The following ERC1 variants were observed in gnomAD, a reference collection of about 807,000 sequenced individuals.
ERC1 encodes the protein ELKS/RAB6-interacting/CAST family member 1.
Under a neutral mutation model 132.0 loss-of-function variants are expected in ERC1, and 56 were observed. That is an observed-to-expected ratio of 0.42 (90% CI 0.34 to 0.53). ERC1 has a LOEUF of 0.53. ERC1 is among the 20% of genes least tolerant of loss of function. ERC1 has a pLI of 0.03. For synonymous variants in ERC1, 478 were observed against 476.1 expected, an observed-to-expected ratio of 1.00 and a Z score of -0.05; for missense variants, 1,202 against 1,349.9, an observed-to-expected ratio of 0.89 and a Z score of 1.72.
In ERC1 at chr12:1,394,039, AAAAAACC is replaced by A. The variant is rs1566757873; in HGVS notation, c.2926-14108_2926-14102del. On this transcript the variant is annotated intron_variant, in intron 16 of 18. Coordinates refer to ENST00000360905, the MANE Select transcript of ERC1 (RefSeq NM_178040.4). ...TCAAAAAAAAAAAAAAAAAACAAAAAAAAAACCACAAAGCATTAAGCAATTTAATTTC... is the reference window on the plus strand; with the variant it reads ...TCAAAAAAAAAAAAAAAAAACAAAAAACAAAGCATTAAGCAATTTAATTTC... 1.7e-3 allele frequency among the ~76,000 whole-genome samples: 139 copies of A among 81,546 alleles called. 6 individuals are homozygous for A. The highest frequency in any genetic ancestry group is 5.9e-3 in the African/African-American group (132 of 22,254). 53.5% of individuals were successfully genotyped at this position (81,546 alleles called of 152,430 possible).
At chr12:1,394,047 A>AAAAAAAAAAAAC (rs1566758165) in intron 16 of ERC1, among the ~76,000 whole-genome samples, 1 of 59,884 alleles carries the variant, frequency 1.7e-5, no homozygotes, top group Non-Finnish European at 3.4e-5. Flanking sequence ...AAAAAAAACC[A>AAAAAAAAAAAAC]CAAAGCATTA....
At chr12:1,185,818 CTG>C (rs982768518) in intron 11 of ERC1, among the ~76,000 whole-genome samples, 4 of 150,624 alleles carry the variant, frequency 2.7e-5, no homozygotes, top group African/African-American at 9.8e-5. Context: ...ACTTTGGAAA[CTG>C]TTTGCATTTC....
At chr12:1,276,241 CT>C (rs201592748) in intron 14 of ERC1, among the ~76,000 whole-genome samples, 16,563 of 111,266 alleles carry the variant, frequency 0.15, 1,621 homozygotes, top group African/African-American at 0.31. Flanking sequence ...TTTTCTTTTT[CT>C]TTTTTTTTTT....
intron 13 of ERC1, among the ~76,000 whole-genome samples, chr12:1,240,517 C>T (rs979529931): frequency 6.6e-6 from 1 of 152,146 alleles, no homozygotes; most frequent in Non-Finnish European, 1.5e-5. Flanking sequence ...ACCATATTTG[C>T]GTAGCCCTGG....
intron 15 of ERC1, among the ~76,000 whole-genome samples, chr12:1,319,013 G>T (rs2081951158): frequency 6.6e-6 from 1 of 152,148 alleles, no homozygotes; most frequent in Non-Finnish European, 1.5e-5. Context: ...TCCTCTGTGG[G>T]AGTAATTATG....
chr12:1,397,956 A>C (rs2090676938), intron 16 of ERC1, among the ~76,000 whole-genome samples: 1 of 152,168 alleles, frequency 6.6e-6, no homozygotes, highest in African/African-American at 2.4e-5. Context: ...TTCTCTGTAC[A>C]TCTCAGTAGG....
chr12:1,252,374 T>C (rs992384850), intron 13 of ERC1, among the ~76,000 whole-genome samples: 2 of 152,168 alleles, frequency 1.3e-5, no homozygotes, highest in African/African-American at 4.8e-5. Context: ...GTAAAGACTT[T>C]GAAAAGGTAT....
chr12:1,296,021 A>C lies in ERC1; in HGVS notation c.2780+6009A>C, dbSNP rs532464259. Among the ~76,000 whole-genome samples the C allele has an allele frequency of 1.3e-4, 19 of 150,660 alleles. No individual in the cohort carries two copies. The South Asian group carries it at 3.5e-3, about 28-fold the overall frequency. ...TATTTGGTTTAACAGAAAAAAAAAA[A>C]AAAAACAACTAAATTCACCCTTATA... is the stretch of plus-strand genomic sequence containing the variant. On this transcript the variant is annotated intron_variant, in intron 15 of 18. Coordinates refer to ENST00000360905, the MANE Select transcript of ERC1 (RefSeq NM_178040.4).
At chr12:1,478,621 G>A (rs1000752987) in intron 18 of ERC1, among the ~76,000 whole-genome samples, 5 of 152,008 alleles carry the variant, frequency 3.3e-5, no homozygotes, top group Admixed American at 6.6e-5. Context: ...GTGAAACCCC[G>A]TCTCTACTAA....
rs1967151088 is a variant in ERC1 at position 1,027,833 on chromosome 12, C to T, written c.-71C>T. 1.4e-6 allele frequency: 2 copies of T among 1,396,988 alleles called. No individual in the cohort carries two copies. Among genetic ancestry groups the T allele is most frequent in the African/African-American group, 2.9e-5 (2 of 69,772 alleles). 86.5% of individuals were successfully genotyped at this position (1,396,988 alleles called of 1,614,324 possible). A position where few individuals can be genotyped will look rare whatever the true frequency, so the allele number is the denominator to read the frequency against. On this transcript the variant is annotated 5_prime_UTR_variant, in exon 2 of 19. Transcript: ENST00000360905. ...AAACCAACTTGTAGCCATAGAGACA[C>T]CTCACAAGGTTCCCATTTTTGTTGT...
chr12:1,038,179 A>C (rs1310142240), intron 2 of ERC1, among the ~76,000 whole-genome samples: 1 of 152,118 alleles, frequency 6.6e-6, no homozygotes, highest in Non-Finnish European at 1.5e-5. Context: ...GGGTGCCCTA[A>C]GTCATTGAAC....
chr12:1,283,440 G>A (rs765817610), intron 14 of ERC1, among the ~76,000 whole-genome samples: 1 of 152,180 alleles, frequency 6.6e-6, no homozygotes, highest in African/African-American at 2.4e-5. Flanking sequence ...CTGCTCAGTG[G>A]TAGGCATGAA....
At chr12:1,394,450 T>C (rs2090361435) in intron 16 of ERC1, among the ~76,000 whole-genome samples, 1 of 152,120 alleles carries the variant, frequency 6.6e-6, no homozygotes, top group African/African-American at 2.4e-5. Flanking sequence ...TTTCGTGGCC[T>C]CTGTATCTGT....
intron 17 of ERC1, among the ~76,000 whole-genome samples, chr12:1,423,894 G>T (rs1041090160): frequency 6.6e-6 from 1 of 152,012 alleles, no homozygotes; most frequent in Non-Finnish European, 1.5e-5. Context: ...ATCAGCAAGG[G>T]GCACTACAAA....
chr12:1,269,056 A>G lies in ERC1; in HGVS notation c.2619+5891A>G, dbSNP rs79714322. Among the ~76,000 whole-genome samples, 595 of 152,348 alleles carry G rather than the reference A, an allele frequency of 3.9e-3. 6 individuals carry two copies. The highest frequency in any genetic ancestry group is 0.014 in the African/African-American group (579 of 41,590). ...TGAACAAAGAACAATAGTTATTATT[A>G]GTTTACTTGCTCATTTATTCATTCA... On this transcript the variant is annotated intron_variant, in intron 14 of 18. Coordinates refer to ENST00000360905, the MANE Select transcript of ERC1 (RefSeq NM_178040.4).
At chr12:1,442,660 A>G (rs1229955204) in intron 17 of ERC1, among the ~76,000 whole-genome samples, 1 of 152,184 alleles carries the variant, frequency 6.6e-6, no homozygotes, top group Non-Finnish European at 1.5e-5. Flanking sequence ...CTTGCTCTTT[A>G]TTCTCTTTTA....
chr12:1,077,404 C>G (rs1941522447), intron 2 of ERC1, among the ~76,000 whole-genome samples: 1 of 152,146 alleles, frequency 6.6e-6, no homozygotes, highest in Non-Finnish European at 1.5e-5. Context: ...TGTGATCTGT[C>G]ATTGTTTTTG....
rs1161153778 is a variant in ERC1 at position 1,196,876 on chromosome 12, CTCTG to C, written c.2351+6836_2351+6839del. On this transcript the variant is annotated intron_variant, in intron 12 of 18. Coordinates refer to ENST00000360905, the MANE Select transcript of ERC1 (RefSeq NM_178040.4). ...TCTCTCTCACTCTCTCTCTCTCTCT[CTCTG>C]TCTGTCTGTCTCTCTCTGTCTCTCT... Among the ~76,000 whole-genome samples the C allele has an allele frequency of 4.4e-4, 62 of 142,268 alleles. 1 individual carries two copies. The highest frequency in any genetic ancestry group is 3.5e-3 in the Middle Eastern group (1 of 286). 93.3% of individuals were successfully genotyped at this position (142,268 alleles called of 152,430 possible).
chr12:1,334,916 T>C (rs2083184311), intron 15 of ERC1, among the ~76,000 whole-genome samples: 1 of 152,216 alleles, frequency 6.6e-6, no homozygotes, highest in Non-Finnish European at 1.5e-5. Context: ...GAGCAGTGTT[T>C]TGTAGTTCTT....
Sources: allele counts gnomAD v4.1 joint callset (sites outside exome capture counted in the v4.1 genomes callset), GRCh38; gene constraint gnomAD v4.1.1; transcripts MANE v1.5; gene names NCBI Gene and HGNC (gene_info 2026-07-23, HGNC 2026-07-21).